JAZF1: variants seen among roughly 807,000 people sequenced by gnomAD.
The protein encoded by JAZF1 is juxtaposed with another zinc finger protein 1.
JAZF1 carries 8 observed loss-of-function variants against 26.4 expected under a neutral mutation model. The observed-to-expected ratio is 0.30, with a 90% CI of 0.18 to 0.55. The LOEUF (loss-of-function observed/expected upper bound fraction) is 0.55. JAZF1 is among the 20% of genes least tolerant of loss of function. The probability of loss-of-function intolerance (pLI) is 0.94; values close to 1 mark genes in which losing one functional copy is unlikely to be tolerated. For missense variants in JAZF1, 199 were observed against 322.0 expected (o/e 0.62, Z 2.92); for synonymous variants, 126 against 122.3 (o/e 1.03, Z -0.20).
At chr7:28,123,942 G>C (rs1782648947) in intron 1 of JAZF1, among the ~76,000 whole-genome samples, 4 of 152,160 alleles carry the variant, frequency 2.6e-5, no homozygotes, top group Admixed American at 2.6e-4. Context: ...TGATGTTTCA[G>C]CTGTTTTGAC....
intron 1 of JAZF1, among the ~76,000 whole-genome samples, chr7:28,159,446 G>C (rs1783243620): frequency 6.6e-6 from 1 of 151,804 alleles, no homozygotes; most frequent in African/African-American, 2.4e-5. Flanking sequence ...ACCGTGAGTG[G>C]GTGCAGCACA....
chr7:28,088,911 T>C (rs1171419502), intron 1 of JAZF1, among the ~76,000 whole-genome samples: 1 of 152,200 alleles, frequency 6.6e-6, no homozygotes, highest in African/African-American at 2.4e-5. Flanking sequence ...CTTCAATTAA[T>C]TTTATTTTAC....
intron 1 of JAZF1, among the ~76,000 whole-genome samples, chr7:28,114,046 T>C (rs952060921): frequency 6.6e-6 from 1 of 152,278 alleles, no homozygotes; most frequent in African/African-American, 2.4e-5. Context: ...TTGTTTATTA[T>C]TCTTCATTTC....
intron 2 of JAZF1, among the ~76,000 whole-genome samples, chr7:27,921,428 C>T (rs1023597867): frequency 2.0e-5 from 3 of 151,614 alleles, no homozygotes; most frequent in Non-Finnish European, 4.4e-5. Flanking sequence ...GTGTAGCTTA[C>T]CAGCATGATT....
In JAZF1 at chr7:28,104,730, G is replaced by A. The variant is rs369520678; in HGVS notation, c.115+75733C>T. On this transcript the variant is annotated intron_variant, in intron 1 of 4. Transcript: ENST00000283928. ...TAGGATTCTGGAACGTATTAGGTTC[G>A]CAGACCCACTCAATGTCCAACCCTA... is the stretch of plus-strand genomic sequence containing the variant. 4.6e-4 allele frequency among the ~76,000 whole-genome samples: 70 copies of A among 152,244 alleles called. No individual in the cohort carries two copies. In the Middle Eastern group the frequency reaches 0.01, roughly 22 times the overall value.
chr7:27,971,789 A>AAGG (rs1785379248), intron 2 of JAZF1, among the ~76,000 whole-genome samples: 1 of 152,206 alleles, frequency 6.6e-6, no homozygotes, highest in Non-Finnish European at 1.5e-5. Flanking sequence ...GGAAATCTCC[A>AAGG]AGGTCATCTC....
intron 2 of JAZF1, among the ~76,000 whole-genome samples, chr7:27,958,715 G>A (rs1357960975): frequency 6.6e-6 from 1 of 152,202 alleles, no homozygotes; most frequent in Non-Finnish European, 1.5e-5. Context: ...AGTAAAGTAA[G>A]GTGAAATGTT....
intron 2 of JAZF1, among the ~76,000 whole-genome samples, chr7:27,930,276 T>G (rs1373863664): frequency 2.6e-5 from 4 of 152,230 alleles, no homozygotes; most frequent in African/African-American, 9.6e-5. Context: ...ATTACAGGCA[T>G]GAGCCACCGT....
chr7:27,968,269 T>C (rs977646132), intron 2 of JAZF1, among the ~76,000 whole-genome samples: 2 of 152,164 alleles, frequency 1.3e-5, no homozygotes, highest in Non-Finnish European at 1.5e-5. Context: ...CTATACATAA[T>C]ATAATTAGTC....
chr7:28,076,106 A>C (rs1316636126), intron 1 of JAZF1, among the ~76,000 whole-genome samples: 1 of 152,240 alleles, frequency 6.6e-6, no homozygotes, highest in Non-Finnish European at 1.5e-5. Context: ...CCTCTGCAGT[A>C]TTAAAACTGC....
chr7:27,972,390 T>C (rs991929304), intron 2 of JAZF1, among the ~76,000 whole-genome samples: 2 of 152,140 alleles, frequency 1.3e-5, no homozygotes, highest in Non-Finnish European at 2.9e-5. Flanking sequence ...GAGCTGGGTG[T>C]GCTCAAGGGG....
At chr7:28,056,995 C>A (rs1466993861) in intron 1 of JAZF1, among the ~76,000 whole-genome samples, 1 of 152,178 alleles carries the variant, frequency 6.6e-6, no homozygotes, top group East Asian at 1.9e-4. Context: ...TACATTCATT[C>A]TGGAACACCT....
At chr7:27,850,372 A>C (rs1036662890) in intron 3 of JAZF1, among the ~76,000 whole-genome samples, 1 of 152,192 alleles carries the variant, frequency 6.6e-6, no homozygotes, top group South Asian at 2.1e-4. Flanking sequence ...CATTACTGGA[A>C]TGTCATTCTC....
chr7:28,020,247 C>T (rs1436860610), intron 1 of JAZF1, among the ~76,000 whole-genome samples: 3 of 152,168 alleles, frequency 2.0e-5, no homozygotes, highest in Non-Finnish European at 4.4e-5. Flanking sequence ...TAGAGTGCTG[C>T]GATAACACCA....
chr7:28,096,967 C>G (rs1784397034), intron 1 of JAZF1, among the ~76,000 whole-genome samples: 1 of 152,228 alleles, frequency 6.6e-6, no homozygotes, highest in African/African-American at 2.4e-5. Flanking sequence ...TAAATGCCAT[C>G]TGCACCACAT....
intron 3 of JAZF1, among the ~76,000 whole-genome samples, chr7:27,861,784 G>A (rs1376148170): frequency 6.6e-6 from 1 of 152,198 alleles, no homozygotes; most frequent in African/African-American, 2.4e-5. Context: ...TGGTGCATAG[G>A]TGGGTCTATC....
chr7:27,886,220 G>A lies in JAZF1; in HGVS notation c.385+9000C>T, dbSNP rs145613426. 1.6e-3 allele frequency among the ~76,000 whole-genome samples: 245 copies of A among 152,298 alleles called. 1 individual carries two copies. The highest frequency in any genetic ancestry group is 5.4e-3 in the African/African-American group (223 of 41,580). On this transcript the variant is annotated intron_variant, in intron 3 of 4. Coordinates refer to ENST00000283928, the MANE Select transcript of JAZF1 (RefSeq NM_175061.4). ...ACACTGCCTCCATTACACAGATGAGGAAACTGAGGCTTGAGAAGGTTTAAG... is the reference window on the plus strand; with the variant it reads ...ACACTGCCTCCATTACACAGATGAGAAAACTGAGGCTTGAGAAGGTTTAAG...
intron 1 of JAZF1, among the ~76,000 whole-genome samples, chr7:28,121,666 T>A (rs1409350651): frequency 6.6e-6 from 1 of 152,208 alleles, no homozygotes; most frequent in Non-Finnish European, 1.5e-5. Flanking sequence ...CGTAGTTGCA[T>A]ACACGTGACC....
intron 2 of JAZF1, among the ~76,000 whole-genome samples, chr7:27,916,178 C>T (rs1052886153): frequency 1.3e-5 from 2 of 151,652 alleles, no homozygotes; most frequent in Non-Finnish European, 2.9e-5. Context: ...TAATAAAATA[C>T]CACAAGGACA....
Sources: gnomAD v4.1 joint callset for allele counts (sites outside exome capture counted in the v4.1 genomes callset) on GRCh38, gnomAD v4.1.1 for gene constraint, MANE v1.5 for transcripts, NCBI Gene and HGNC (gene_info 2026-07-23, HGNC 2026-07-21) for gene names.